FBXW7: variants seen among roughly 807,000 people sequenced by gnomAD.
FBXW7 encodes F-box/WD repeat-containing protein 7.
Under a neutral mutation model 86.3 loss-of-function variants are expected in FBXW7, and 11 were observed. The ratio of observed to expected loss-of-function variants is 0.13; its 90% CI spans 0.08 to 0.21. The LOEUF (loss-of-function observed/expected upper bound fraction) is 0.21. Among genes scored for constraint, FBXW7 ranks in the 10% least tolerant of loss-of-function variants. The probability of loss-of-function intolerance (pLI) is 1.00; values close to 1 mark genes in which losing one functional copy is unlikely to be tolerated. For synonymous variants in FBXW7, 313 were observed against 297.9 expected, an observed-to-expected ratio of 1.05 and a Z score of -0.52; for missense variants, 488 against 847.4, an observed-to-expected ratio of 0.58 and a Z score of 5.27.
chr4:152,503,972 A>G (rs1406405581), intron 2 of FBXW7, among the ~76,000 whole-genome samples: 2 of 152,248 alleles, frequency 1.3e-5, no homozygotes, highest in Non-Finnish European at 2.9e-5. Flanking sequence ...AATACATTTA[A>G]AACATCTGTG....
intron 2 of FBXW7, among the ~76,000 whole-genome samples, chr4:152,519,164 G>A (rs972253024): frequency 2.0e-4 from 31 of 152,240 alleles, no homozygotes; most frequent in South Asian, 1.2e-3. Flanking sequence ...AGGGCGTAGC[G>A]GTGGGCGCCT....
chr4:152,341,694 T>TG (rs959887209), intron 6 of FBXW7, among the ~76,000 whole-genome samples: 3 of 152,190 alleles, frequency 2.0e-5, no homozygotes, highest in Non-Finnish European at 2.9e-5. Flanking sequence ...CACTAGGACT[T>TG]GCTTGCTTAT....
chr4:152,443,954 A>T (rs1272065358), intron 2 of FBXW7, among the ~76,000 whole-genome samples: 2 of 152,198 alleles, frequency 1.3e-5, no homozygotes, highest in South Asian at 2.1e-4. Flanking sequence ...ATTATCCATA[A>T]TATCATCATC....
chr4:152,382,002 A>G (rs1345302522), intron 4 of FBXW7, among the ~76,000 whole-genome samples: 1 of 152,162 alleles, frequency 6.6e-6, no homozygotes, highest in African/African-American at 2.4e-5. Context: ...TGAACTGGGT[A>G]ACCCTATCTT....
intron 8 of FBXW7, among the ~76,000 whole-genome samples, chr4:152,331,665 G>A (rs1314000914): frequency 2.0e-5 from 3 of 151,950 alleles, no homozygotes; most frequent in African/African-American, 7.2e-5. Flanking sequence ...GATGGTAGTT[G>A]CAAAACAATG....
At chr4:152,418,283 C>T (rs1211127351) in intron 2 of FBXW7, among the ~76,000 whole-genome samples, 1 of 151,968 alleles carries the variant, frequency 6.6e-6, no homozygotes, top group Non-Finnish European at 1.5e-5. Flanking sequence ...TAGAAACTAG[C>T]CTACGTAGTA....
rs566372178 is a variant in FBXW7 at position 152,348,400 on chromosome 4, C to T, written c.585-1329G>A. Among the ~76,000 whole-genome samples the T allele has an allele frequency of 1.1e-4, 17 of 151,898 alleles. 1 individual carries two copies. In the South Asian group the frequency reaches 2.9e-3, roughly 26 times the overall value. On this transcript the variant is annotated intron_variant, in intron 5 of 13. Coordinates refer to ENST00000281708, the MANE Select transcript of FBXW7 (RefSeq NM_001349798.2). ...AAAAATCATAGTTTTATCTTATTAG[C>T]AAATCTGTCAAAAATATCACAAAAT...
rs116939457 is a variant in FBXW7 at position 152,486,648 on chromosome 4, T to G, written c.-120+48293A>C. On this transcript the variant is annotated intron_variant, in intron 2 of 13. Coordinates refer to ENST00000281708, the MANE Select transcript of FBXW7 (RefSeq NM_001349798.2). ...GAGCTGTCATCTCCTATAATAACAA[T>G]GTCTCTGGAGTACGTCCTGAAGGAA... Among the ~76,000 whole-genome samples, 7 of 152,212 alleles carry G rather than the reference T, an allele frequency of 4.6e-5. No individual in the cohort carries two copies. The East Asian group carries it at 7.7e-4, about 17-fold the overall frequency.
intron 2 of FBXW7, among the ~76,000 whole-genome samples, chr4:152,421,458 G>A (rs905411736): frequency 6.6e-6 from 1 of 152,164 alleles, no homozygotes; most frequent in Non-Finnish European, 1.5e-5. Context: ...AGCACTTGAG[G>A]AAGCCGAGGT....
At chr4:152,516,611 C>A (rs906515836) in intron 2 of FBXW7, among the ~76,000 whole-genome samples, 1 of 152,192 alleles carries the variant, frequency 6.6e-6, no homozygotes, top group South Asian at 2.1e-4. Context: ...TTAAAGGCTG[C>A]TACTCTTTAT....
intron 6 of FBXW7, 22 bp downstream of exon 6, chr4:152,346,908 G>C (rs2126633818): frequency 6.2e-7 from 1 of 1,609,216 alleles, no homozygotes. Flanking sequence ...GGCATTTCAA[G>C]TACTATGTTT....
intron 4 of FBXW7, among the ~76,000 whole-genome samples, chr4:152,370,727 G>C (rs1412016493): frequency 6.6e-6 from 1 of 151,916 alleles, no homozygotes; most frequent in Non-Finnish European, 1.5e-5. Context: ...TTTGAGAAAT[G>C]ATGGCTCTCC....
intron 2 of FBXW7, among the ~76,000 whole-genome samples, chr4:152,413,612 T>C (rs1161803016): frequency 6.6e-6 from 1 of 152,106 alleles, no homozygotes; most frequent in Admixed American, 6.6e-5. Context: ...GAAAGAATAT[T>C]ATTCTCTAAC....
At chr4:152,449,798 C>T (rs758241863) in intron 2 of FBXW7, among the ~76,000 whole-genome samples, 2 of 152,176 alleles carry the variant, frequency 1.3e-5, no homozygotes, top group Non-Finnish European at 2.9e-5. Context: ...TTTGTTTATA[C>T]AATGTAATTA....
At chr4:152,460,544 T>C (rs1287468824) in intron 2 of FBXW7, among the ~76,000 whole-genome samples, 1 of 152,228 alleles carries the variant, frequency 6.6e-6, no homozygotes, top group Non-Finnish European at 1.5e-5. Context: ...TTGGTTTATC[T>C]GAACATGTAT....
At chr4:152,494,141 CA>C (rs757926963) in intron 2 of FBXW7, among the ~76,000 whole-genome samples, 14 of 149,656 alleles carry the variant, frequency 9.4e-5, no homozygotes, top group South Asian at 8.5e-4. Context: ...GTTAAACATA[CA>C]AAAAAAAGGG....
At chr4:152,525,128 A>C (rs1252283574) in intron 2 of FBXW7, among the ~76,000 whole-genome samples, 1 of 152,208 alleles carries the variant, frequency 6.6e-6, no homozygotes, top group Non-Finnish European at 1.5e-5. Context: ...CCAAATCGTT[A>C]CCAATAAAGA....
chr4:152,398,225 A>G (rs1426748017), intron 4 of FBXW7, among the ~76,000 whole-genome samples: 2 of 151,972 alleles, frequency 1.3e-5, no homozygotes, highest in Admixed American at 6.6e-5. Context: ...ATATTTAAAT[A>G]TATGGAAAGC....
Position 152,350,035 on chromosome 4 carries a change from A to G in FBXW7, c.584+7T>C. On this transcript the variant is annotated splice_region_variant and intron_variant, in intron 5 of 13. Coordinates refer to ENST00000281708, the MANE Select transcript of FBXW7 (RefSeq NM_001349798.2). The stretch of plus-strand genomic sequence containing the variant: ...AATCATGAGATAATCATTATATTTA[A>G]TATTACCTTGTATATTCTGAGACTT... 1 of 1,455,162 alleles carries G rather than the reference A, an allele frequency of 6.9e-7. No homozygotes were observed. The highest frequency in any genetic ancestry group is 2.1e-4 in the Middle Eastern group (1 of 4,656). 90.1% of individuals were successfully genotyped at this position (1,455,162 alleles called of 1,614,324 possible). A position where few individuals can be genotyped will look rare whatever the true frequency, so the allele number is the denominator to read the frequency against.
Sources: gnomAD v4.1 joint callset for allele counts (sites outside exome capture counted in the v4.1 genomes callset) on GRCh38, gnomAD v4.1.1 for gene constraint, MANE v1.5 for transcripts, NCBI Gene and HGNC (gene_info 2026-07-23, HGNC 2026-07-21) for gene names.